Variants in GSE1 observed in about 807,000 individuals in gnomAD.
GSE1 encodes Gse1 coiled-coil protein, also known as genetic suppressor element 1.
A neutral mutation model predicts 112.6 loss-of-function variants in GSE1; 32 were observed. The observed-to-expected ratio is 0.28, with a 90% CI of 0.21 to 0.38. The LOEUF (loss-of-function observed/expected upper bound fraction) is 0.38, where lower values mean the gene tolerates loss of function less well. Among genes scored for constraint, GSE1 ranks in the 10% least tolerant of loss-of-function variants. The pLI, the probability that GSE1 is intolerant of heterozygous loss-of-function variation, is 1.00. For synonymous variants in GSE1, 1,115 were observed against 735.6 expected (o/e 1.52, Z -8.35); for missense variants, 2,348 against 1,699.2 (o/e 1.38, Z -6.71).
At chr16:85,576,996 ACAGT>A (rs1181975060) in intron 1 of GSE1, among the ~76,000 whole-genome samples, 8 of 152,184 alleles carry the variant, frequency 5.3e-5, no homozygotes, top group Non-Finnish European at 1.0e-4. Flanking sequence ...CTTGATTATC[ACAGT>A]CAGGACGCTG....
At chr16:85,431,327 G>A (rs1377315111) in intron 2 of GSE1, among the ~76,000 whole-genome samples, 2 of 152,224 alleles carry the variant, frequency 1.3e-5, no homozygotes, top group Admixed American at 6.5e-5. Flanking sequence ...CCGCGGTGCC[G>A]CATGATGGCG....
intron 1 of GSE1, among the ~76,000 whole-genome samples, chr16:85,235,440 G>C (rs1181968352): frequency 8.1e-5 from 12 of 148,858 alleles, no homozygotes; most frequent in Admixed American, 1.3e-4. Flanking sequence ...GTGTGTGTGT[G>C]TGTGTGTGTG....
intron 2 of GSE1, among the ~76,000 whole-genome samples, chr16:85,370,536 G>T (rs1004230783): frequency 2.6e-5 from 4 of 152,170 alleles, no homozygotes; most frequent in Non-Finnish European, 2.9e-5. Context: ...GCCCCTCAGG[G>T]GAAAAGAACC....
At position 85,268,558 on chromosome 16, in the gene GSE1, C is replaced by T. The variant is rs564048669; in HGVS notation, c.2284-88905C>T. 5.3e-5 allele frequency among the ~76,000 whole-genome samples: 8 copies of T among 152,284 alleles called. No homozygotes were observed. The East Asian group carries it at 1.5e-3, about 29-fold the overall frequency. On this transcript the variant is annotated intron_variant, in intron 1 of 2. Transcript: ENST00000637419. ...ATGTAGACCAAAAGGCACCTTCATCCTCGTTCAGGTGTCTGATTAAACCCT... is the reference window on the plus strand; with the variant it reads ...ATGTAGACCAAAAGGCACCTTCATCTTCGTTCAGGTGTCTGATTAAACCCT...
chr16:85,581,510 G>A (rs1264615600), intron 1 of GSE1, among the ~76,000 whole-genome samples: 1 of 149,496 alleles, frequency 6.7e-6, no homozygotes, highest in Non-Finnish European at 1.5e-5. Context: ...TGTTTCTGGA[G>A]AGAGGTTTAT....
chr16:85,189,376 CTCTATTGT>C lies in GSE1; in HGVS notation c.2283+17571_2283+17578del, dbSNP rs555738998. 3.9e-5 allele frequency among the ~76,000 whole-genome samples: 6 copies of C among 152,296 alleles called. No homozygotes were observed. In the South Asian group the frequency reaches 8.3e-4, roughly 21 times the overall value. On this transcript the variant is annotated intron_variant, in intron 1 of 2. Transcript: ENST00000637419. ...AAATTTGAATTTTTACCCATTGACC[CTCTATTGT>C]TTTTCTTTTGTGCATTGTACACAGT...
chr16:85,316,506 C>T (rs1326521058), intron 1 of GSE1, among the ~76,000 whole-genome samples: 1 of 152,210 alleles, frequency 6.6e-6, no homozygotes, highest in Non-Finnish European at 1.5e-5. Context: ...GTGAAGAGCG[C>T]TCCAGCAGGC....
At chr16:85,487,627 T>C (rs1360641107) in intron 2 of GSE1, among the ~76,000 whole-genome samples, 2 of 151,878 alleles carry the variant, frequency 1.3e-5, no homozygotes, top group Non-Finnish European at 2.9e-5. Flanking sequence ...CGAATCCAGG[T>C]CCCCAAGTCC....
intron 1 of GSE1, among the ~76,000 whole-genome samples, chr16:85,280,885 G>A (rs1261083316): frequency 6.6e-6 from 1 of 152,176 alleles, no homozygotes; most frequent in South Asian, 2.1e-4. Flanking sequence ...GAACATCGGC[G>A]GTGACAAGGA....
At position 85,307,427 on chromosome 16, in the gene GSE1, G is replaced by A. The variant is rs188176341; in HGVS notation, c.2284-50036G>A. On this transcript the variant is annotated intron_variant, in intron 1 of 2. Coordinates refer to the GSE1 transcript ENST00000637419. ...GTTTCAGTAATTTGTTAGAAGAACCGCAGAACTGGCAGCCGAAAGCTGCAC... is the reference window on the plus strand; with the variant it reads ...GTTTCAGTAATTTGTTAGAAGAACCACAGAACTGGCAGCCGAAAGCTGCAC... 6.0e-4 allele frequency among the ~76,000 whole-genome samples: 92 copies of A among 152,272 alleles called. 1 individual carries two copies. The highest frequency in any genetic ancestry group is 1.5e-3 in the African/African-American group (61 of 41,550).
In GSE1 at chr16:85,246,498, A is replaced by ACCCCCCCCCCC. The variant is rs1567636430; in HGVS notation, c.2283+74692_2283+74693insCCCCCCCCCCC. 1.2e-3 allele frequency among the ~76,000 whole-genome samples: 39 copies of ACCCCCCCCCCC among 31,526 alleles called. 3 individuals are homozygous for ACCCCCCCCCCC. Among genetic ancestry groups the ACCCCCCCCCCC allele is most frequent in the East Asian group, 1.9e-3 (2 of 1,050 alleles). 20.7% of individuals were successfully genotyped at this position (31,526 alleles called of 152,430 possible). A position where few individuals can be genotyped will look rare whatever the true frequency, so the allele number is the denominator to read the frequency against. ...ACACACACACACACACACACTCTAC[A>ACCCCCCCCCCC]CACCCCCCCCCCCCCGACGCTGTCT... On this transcript the variant is annotated intron_variant, in intron 1 of 2. Coordinates refer to the GSE1 transcript ENST00000637419.
In GSE1 at chr16:85,255,712, C is replaced by T. The variant is rs574514264; in HGVS notation, c.2283+83905C>T. ...GCCACCGCACCCGGCCAGTCAGTGCCTACTTTTCTTTCTTTCTTTTTTTTG... is the reference window on the plus strand; with the variant it reads ...GCCACCGCACCCGGCCAGTCAGTGCTTACTTTTCTTTCTTTCTTTTTTTTG... On this transcript the variant is annotated intron_variant, in intron 1 of 2. Coordinates refer to the GSE1 transcript ENST00000637419. 2.1e-5 allele frequency among the ~76,000 whole-genome samples: 3 copies of T among 146,002 alleles called. No individual in the cohort carries two copies. The South Asian group carries it at 6.6e-4, about 32-fold the overall frequency.
At chr16:85,421,107 C>T (rs2048833428) in intron 2 of GSE1, among the ~76,000 whole-genome samples, 1 of 152,226 alleles carries the variant, frequency 6.6e-6, no homozygotes, top group African/African-American at 2.4e-5. Context: ...GTGTTGAGCA[C>T]AGAGCCCGGC....
At chr16:85,315,949 C>T (rs1315679396) in intron 1 of GSE1, among the ~76,000 whole-genome samples, 1 of 152,132 alleles carries the variant, frequency 6.6e-6, no homozygotes, top group Non-Finnish European at 1.5e-5. Context: ...AAGGTGGGAG[C>T]AGGACCAGGC....
chr16:85,193,909 C>A (rs181482969), intron 1 of GSE1, among the ~76,000 whole-genome samples: 4 of 152,160 alleles, frequency 2.6e-5, no homozygotes, highest in African/African-American at 9.7e-5. Context: ...GCACTGACGT[C>A]GACAGTCCAT....
intron 2 of GSE1, among the ~76,000 whole-genome samples, chr16:85,500,923 A>T (rs1364870196): frequency 1.3e-5 from 2 of 148,774 alleles, no homozygotes; most frequent in Non-Finnish European, 3.0e-5. Context: ...TGTGTGTCTG[A>T]GTCCCTTTTC....
At chr16:85,387,274 A>ACC (rs2047708336) in intron 2 of GSE1, among the ~76,000 whole-genome samples, 1 of 151,346 alleles carries the variant, frequency 6.6e-6, no homozygotes, top group Admixed American at 6.6e-5. Context: ...ACTCCCCAGA[A>ACC]CCCCCCACTT....
intron 2 of GSE1, among the ~76,000 whole-genome samples, chr16:85,539,929 G>A (rs140989240): frequency 9.8e-5 from 15 of 152,338 alleles, no homozygotes; most frequent in Non-Finnish European, 1.9e-4. Context: ...GTGACCTGGT[G>A]AGAGGTTAGA....
At chr16:85,197,406 C>A (rs1444768804) in intron 1 of GSE1, among the ~76,000 whole-genome samples, 3 of 152,198 alleles carry the variant, frequency 2.0e-5, no homozygotes, top group Non-Finnish European at 4.4e-5. Flanking sequence ...GAATTTCTTA[C>A]ATATAACTGG....
Sources: gnomAD v4.1 joint callset for allele counts (sites outside exome capture counted in the v4.1 genomes callset) on GRCh38, gnomAD v4.1.1 for gene constraint, MANE v1.5 for transcripts, NCBI Gene and HGNC (gene_info 2026-07-23, HGNC 2026-07-21) for gene names.